PLEKHA7: variants seen among roughly 807,000 people sequenced by gnomAD.
The protein encoded by PLEKHA7 is pleckstrin homology domain-containing family A member 7.
PLEKHA7 carries 104 observed loss-of-function variants against 170.0 expected under a neutral mutation model. The observed-to-expected ratio is 0.61, with a 90% confidence interval of 0.52 to 0.72. The LOEUF is 0.72. Among genes scored for constraint, PLEKHA7 ranks in the 30% least tolerant of loss-of-function variants. PLEKHA7 has a pLI of 0.00. For missense variants in PLEKHA7, 1,615 were observed against 1,671.7 expected (o/e 0.97, Z 0.59); for synonymous variants, 648 against 660.8 (o/e 0.98, Z 0.30).
chr11:16,957,420 T>G (rs997582796), intron 3 of PLEKHA7, among the ~76,000 whole-genome samples: 1 of 152,206 alleles, frequency 6.6e-6, no homozygotes, highest in African/African-American at 2.4e-5. Flanking sequence ...CCAGCAGCCA[T>G]TAAAAATTAT....
intron 3 of PLEKHA7, among the ~76,000 whole-genome samples, chr11:16,919,842 GAA>G (rs1454616589): frequency 2.0e-5 from 3 of 152,266 alleles, no homozygotes; most frequent in East Asian, 3.9e-4. Flanking sequence ...CAGAGAGAGA[GAA>G]AGGATGAGAG....
intron 3 of PLEKHA7, among the ~76,000 whole-genome samples, chr11:16,972,998 C>T (rs1862820783): frequency 1.3e-5 from 2 of 152,220 alleles, no homozygotes; most frequent in Non-Finnish European, 2.9e-5. Flanking sequence ...AAGAGAGAGG[C>T]TTGACTCTCG....
intron 3 of PLEKHA7, among the ~76,000 whole-genome samples, chr11:16,981,638 G>A (rs186139220): frequency 6.6e-6 from 1 of 152,300 alleles, no homozygotes; most frequent in South Asian, 2.1e-4. Flanking sequence ...GACGGGGTTG[G>A]GGGGCGGGGC....
Position 16,789,201 on chromosome 11 carries a change from C to T in PLEKHA7, c.3252G>A (p.Gln1084=). The T allele has an allele frequency of 6.2e-7, 1 of 1,613,484 alleles. No homozygotes were observed. The highest frequency in any genetic ancestry group is 8.5e-7 in the Non-Finnish European group (1 of 1,180,054). The change falls in exon 23 of 27, where the codon CAG becomes CAA. Residue 1084 remains glutamine (Q), a synonymous_variant. Transcript: ENST00000531066. This position sits in a 1 kb window ranked among gnomAD's most constrained non-coding sequence, Gnocchi z 4.6. Reference sequence around the variant, plus strand: ...TCTTGCGCTCTCGGACCAGGGCCTTCTGGTGTCGCTTCATGCGCTCCAGCT... The same window carrying T: ...TCTTGCGCTCTCGGACCAGGGCCTTTTGGTGTCGCTTCATGCGCTCCAGCT... The part of the protein sequence containing the change: ...EEQLERMKRH[Q]KALVRERKRT...
intron 13 of PLEKHA7, among the ~76,000 whole-genome samples, chr11:16,810,722 A>AT (rs538385603): frequency 6.5e-4 from 99 of 152,336 alleles, no homozygotes; most frequent in African/African-American, 2.4e-3. Flanking sequence ...CCCATCAAAT[A>AT]TATTTCTTGG....
intron 3 of PLEKHA7, among the ~76,000 whole-genome samples, chr11:16,932,196 A>C (rs1859985958): frequency 6.6e-6 from 1 of 152,098 alleles, no homozygotes; most frequent in African/African-American, 2.4e-5. Flanking sequence ...CTGTAGTATT[A>C]TTATGAAGAT....
intron 17 of PLEKHA7, 176 bp from the exon 18 acceptor site, chr11:16,795,194 G>T: frequency 1.7e-6 from 1 of 579,996 alleles, no homozygotes; most frequent in Non-Finnish European, 3.1e-6. Flanking sequence ...CATAGACAAG[G>T]AAAATGCCCA....
chr11:16,996,927 C>T (rs1864376604), intron 3 of PLEKHA7, among the ~76,000 whole-genome samples: 1 of 151,696 alleles, frequency 6.6e-6, no homozygotes, highest in South Asian at 2.1e-4. Flanking sequence ...CACAGCAAGA[C>T]TCCGTCTCAA....
intron 3 of PLEKHA7, among the ~76,000 whole-genome samples, chr11:16,960,357 G>T (rs1283089304): frequency 2.6e-5 from 4 of 152,216 alleles, no homozygotes; most frequent in African/African-American, 9.7e-5. Flanking sequence ...AGCTGGGCCA[G>T]GAAGTGGGAA....
chr11:16,786,938 T>C (rs1849439352), intron 23 of PLEKHA7: 1 of 985,234 alleles, frequency 1.0e-6, no homozygotes, highest in Non-Finnish European at 1.2e-6. Context: ...TTGGAGCCAA[T>C]GAGGCAGAAA....
chr11:16,978,423 A>G (rs1025018031), intron 3 of PLEKHA7, among the ~76,000 whole-genome samples: 1 of 152,230 alleles, frequency 6.6e-6, no homozygotes, highest in African/African-American at 2.4e-5. Flanking sequence ...ATCACAGGGA[A>G]AGAGGTGTAG....
At chr11:16,906,095 T>C (rs1487145141) in intron 3 of PLEKHA7, among the ~76,000 whole-genome samples, 2 of 152,142 alleles carry the variant, frequency 1.3e-5, no homozygotes, top group South Asian at 2.1e-4. Context: ...ATCTGACAAA[T>C]AGCAGGACTG....
chr11:16,867,254 G>A (rs984061761), intron 4 of PLEKHA7, among the ~76,000 whole-genome samples: 3 of 152,230 alleles, frequency 2.0e-5, no homozygotes, highest in African/African-American at 7.2e-5. Context: ...TACCTCTAGA[G>A]TCTCTGATTC....
chr11:16,805,452 C>T (rs1010882181), intron 13 of PLEKHA7, among the ~76,000 whole-genome samples: 44 of 152,014 alleles, frequency 2.9e-4, no homozygotes, highest in Non-Finnish European at 4.4e-5. Flanking sequence ...GATATTAGTA[C>T]TACCTCTTTT....
chr11:16,803,103 GAC>G, intron 14 of PLEKHA7, 51 bp from the exon 15 acceptor site: 1 of 1,570,994 alleles, frequency 6.4e-7, no homozygotes, highest in Non-Finnish European at 8.8e-7. Context: ...AAAAGGACAT[GAC>G]CTTGGGATTG....
intron 9 of PLEKHA7, among the ~76,000 whole-genome samples, chr11:16,833,515 C>T (rs908557155): frequency 1.3e-5 from 2 of 152,200 alleles, no homozygotes; most frequent in African/African-American, 4.8e-5. Flanking sequence ...CTCTAGCACA[C>T]ACCACGCTCA....
At chr11:17,007,749 T>A (rs1198472975) in intron 3 of PLEKHA7, among the ~76,000 whole-genome samples, 1 of 152,116 alleles carries the variant, frequency 6.6e-6, no homozygotes, top group Non-Finnish European at 1.5e-5. Context: ...AAGTTTTGTA[T>A]TTTTTGTAAA....
intron 3 of PLEKHA7, among the ~76,000 whole-genome samples, chr11:16,907,100 T>C (rs1306424920): frequency 3.0e-5 from 4 of 131,330 alleles, no homozygotes; most frequent in Admixed American, 2.2e-4. Context: ...AGCCACCCTG[T>C]CTGGGAGGGA....
chr11:16,834,901 G>A (rs891819800), intron 9 of PLEKHA7, among the ~76,000 whole-genome samples: 1 of 152,128 alleles, frequency 6.6e-6, no homozygotes, highest in South Asian at 2.1e-4. Context: ...AGCACGTGGC[G>A]TGGGATCTCA....
Sources: allele counts gnomAD v4.1 joint callset (sites outside exome capture counted in the v4.1 genomes callset), GRCh38; gene constraint gnomAD v4.1.1; non-coding constraint Gnocchi (gnomAD v3.1); transcripts MANE v1.5; gene names NCBI Gene and HGNC (gene_info 2026-07-23, HGNC 2026-07-21).